The following DST variants were observed in gnomAD, a reference collection of about 807,000 sequenced individuals.
The protein encoded by DST is dystonin.
In DST, 253 loss-of-function variants were observed where a neutral mutation model predicts 875.2. The ratio of observed to expected loss-of-function variants is 0.29; its 90% confidence interval spans 0.26 to 0.32. The LOEUF is 0.32. Ranked by LOEUF, DST falls within the 10% of genes least tolerant of loss-of-function variation. The pLI, the probability that DST is intolerant of heterozygous loss-of-function variation, is 1.00. For synonymous variants in DST, 3,124 were observed against 3,197.1 expected (o/e 0.98, Z 0.77); for missense variants, 8,287 against 9,111.6 (o/e 0.91, Z 3.68).
intron 10 of DST, among the ~76,000 whole-genome samples, chr6:56,658,341 C>G (rs1413854862): frequency 6.6e-6 from 1 of 152,206 alleles, no homozygotes; most frequent in Non-Finnish European, 1.5e-5. Flanking sequence ...TGACTTTGGA[C>G]ACACATCCTG....
rs2096233699 is a variant in DST, at chr6:56,504,042, A to G, written c.19521T>C (p.Ile6507=). The part of the protein sequence containing the change: ...AGGKLASMSP[I]GTDLETVKQQ... Reference sequence around the variant, plus strand: ...GCTTGACAGTTTCGAGATCTGTTCCAATTGGAGACATTGAAGCTAATTTAC... The same window carrying G: ...GCTTGACAGTTTCGAGATCTGTTCCGATTGGAGACATTGAAGCTAATTTAC... The change falls in exon 78 of 104, where the codon ATT becomes ATC. Residue 6507 remains isoleucine (I), a synonymous_variant. Transcript: ENST00000680361. 1 of 1,609,558 alleles carries G rather than the reference A, an allele frequency of 6.2e-7. No individual in the cohort carries two copies. The highest frequency in any genetic ancestry group is 8.5e-7 in the Non-Finnish European group (1 of 1,178,082).
chr6:56,874,659 C>T (rs1385683053), intron 3 of DST, among the ~76,000 whole-genome samples: 1 of 152,178 alleles, frequency 6.6e-6, no homozygotes. Context: ...TCTTAAACTC[C>T]AAATTCTGCA....
chr6:56,636,442 G>A (rs2098827652), intron 23 of DST, 115 bp downstream of exon 23: 3 of 756,126 alleles, frequency 4.0e-6, no homozygotes, highest in Non-Finnish European at 6.9e-6. Context: ...ATATATGTGT[G>A]TATATATATA....
intron 96 of DST, 60 bp downstream of exon 96, chr6:56,470,068 G>T: frequency 1.2e-6 from 2 of 1,601,686 alleles, no homozygotes; most frequent in Non-Finnish European, 1.7e-6. Context: ...TATGAATTGT[G>T]CATGATATCG....
At chr6:56,936,761 TA>T (rs1813216673) in intron 2 of DST, among the ~76,000 whole-genome samples, 1 of 151,260 alleles carries the variant, frequency 6.6e-6, no homozygotes, top group Admixed American at 6.6e-5. Context: ...CATACAGAAT[TA>T]AAAAGAGCAG....
chr6:56,797,753 G>T (rs2099741810), intron 4 of DST, among the ~76,000 whole-genome samples: 2 of 150,988 alleles, frequency 1.3e-5, no homozygotes, highest in Admixed American at 1.3e-4. Flanking sequence ...CGGGAGCGGA[G>T]GTTGCAGTGA....
rs779098271 is a variant in DST at position 56,528,857 on chromosome 6, T to G, written c.17664A>C (p.Leu5888=). 6.3e-7 allele frequency: 1 copy of G among 1,576,932 alleles called. No individual in the cohort carries two copies. Among genetic ancestry groups the G allele is most frequent in the Non-Finnish European group, 8.6e-7 (1 of 1,157,428 alleles). ...ATATCTCACCTGTGGTTTGTTTAAG[T>G]AGTTCTAAACCATTTAGTAAAGCCT... ...VDQALLNGLE[L]LKQTTGDEVL... Residue 5888 remains leucine, a synonymous_variant, in exon 67 of 104, where the codon CTA becomes CTC. Transcript: ENST00000680361.
In DST at chr6:56,508,577, A is replaced by C; in HGVS notation, c.19191T>G (p.Asp6397Glu). ...DTQDFIRDLE[D>E]PGIDPSVVKQ... ...TTACTACTGAAGGATCAATTCCAGG[A>C]TCTTCCAGGTCCCGGATGAAATCTT... The change falls in exon 75 of 104, where the codon GAT (aspartate) becomes GAG (glutamate). Residue 6397 changes from aspartate to glutamate, a missense_variant. Physicochemically the swap from Asp to Glu is conservative, Grantham distance 45. Coordinates refer to ENST00000680361, the MANE Select transcript of DST (RefSeq NM_001374736.1). 6.2e-7 allele frequency: 1 copy of C among 1,613,840 alleles called. No homozygotes were observed. The highest frequency in any genetic ancestry group is 1.1e-5 in the South Asian group (1 of 91,068).
At chr6:56,919,563 C>G (rs1235607793) in intron 2 of DST, among the ~76,000 whole-genome samples, 1 of 152,088 alleles carries the variant, frequency 6.6e-6, no homozygotes, top group Non-Finnish European at 1.5e-5. Context: ...CCCTAAGTAC[C>G]TATCACCCAA....
At chr6:56,778,436 G>A (rs2099684216) in intron 4 of DST, among the ~76,000 whole-genome samples, 1 of 149,746 alleles carries the variant, frequency 6.7e-6, no homozygotes. Flanking sequence ...ACAACGTGCA[G>A]GTTAGTTACA....
intron 61 of DST, among the ~76,000 whole-genome samples, chr6:56,551,466 C>G (rs1004939449): frequency 2.6e-5 from 4 of 152,174 alleles, no homozygotes; most frequent in Non-Finnish European, 4.4e-5. Flanking sequence ...GTCCCCTATA[C>G]AGATGTGACT....
intron 61 of DST, among the ~76,000 whole-genome samples, chr6:56,551,651 G>C (rs1029940237): frequency 1.3e-5 from 2 of 152,026 alleles, no homozygotes; most frequent in African/African-American, 4.8e-5. Context: ...TAATCCTCTG[G>C]GGCATGAGCC....
chr6:56,935,761 A>G (rs902910869), intron 2 of DST, among the ~76,000 whole-genome samples: 1 of 152,098 alleles, frequency 6.6e-6, no homozygotes, highest in Non-Finnish European at 1.5e-5. Flanking sequence ...ACCCGTCTCT[A>G]CTAAAATACA....
rs997033431 is a variant in DST at position 56,571,210 on chromosome 6, C to G, written c.13721+890G>C. 2.6e-5 allele frequency among the ~76,000 whole-genome samples: 4 copies of G among 152,184 alleles called. No individual in the cohort carries two copies. In the South Asian group the frequency reaches 8.3e-4, roughly 32 times the overall value. ...TGGATGACACGTACATATATGCAAG[C>G]GTGCAGAATACTGGCAGATAAGAAT... On this transcript the variant is annotated intron_variant, in intron 53 of 103. Coordinates refer to ENST00000680361, the MANE Select transcript of DST (RefSeq NM_001374736.1).
At chr6:56,715,229 T>C (rs2099390813) in intron 5 of DST, among the ~76,000 whole-genome samples, 1 of 152,222 alleles carries the variant, frequency 6.6e-6, no homozygotes, top group Non-Finnish European at 1.5e-5. Context: ...AGCAGGGGAT[T>C]TGTGTTTGCC....
intron 98 of DST, chr6:56,467,109 C>T (rs2152387729): frequency 6.6e-6 from 1 of 152,128 alleles, no homozygotes; most frequent in Non-Finnish European, 1.5e-5. Context: ...GGTTCATGTC[C>T]AACTCATAAA....
chr6:56,886,339 C>A (rs1395969281), intron 3 of DST, among the ~76,000 whole-genome samples: 1 of 152,180 alleles, frequency 6.6e-6, no homozygotes, highest in Non-Finnish European at 1.5e-5. Flanking sequence ...CACCTACTCA[C>A]TGAGGTTTAG....
chr6:56,511,661 T>C (rs1361957103), intron 72 of DST, among the ~76,000 whole-genome samples: 1 of 152,192 alleles, frequency 6.6e-6, no homozygotes, highest in Non-Finnish European at 1.5e-5. Flanking sequence ...TCCCAGTTTA[T>C]TATGCATCTC....
chr6:56,562,292 A>T (rs1236250538), intron 55 of DST, 92 bp from the exon 56 acceptor site: 2 of 534,392 alleles, frequency 3.7e-6, no homozygotes, highest in East Asian at 3.7e-5. Context: ...CATCAACAGT[A>T]ATCACACATA....
Sources: allele counts gnomAD v4.1 joint callset (sites outside exome capture counted in the v4.1 genomes callset), GRCh38; gene constraint gnomAD v4.1.1; transcripts MANE v1.5; gene names NCBI Gene and HGNC (gene_info 2026-07-23, HGNC 2026-07-21).